Variants in SRBD1 observed in about 807,000 individuals in gnomAD.
The protein encoded by SRBD1 is S1 RNA binding domain 1, also known as S1 RNA-binding domain-containing protein 1.
A neutral mutation model predicts 115.3 loss-of-function variants in SRBD1; 88 were observed. The observed-to-expected ratio is 0.76, with a 90% CI of 0.64 to 0.91. The LOEUF (loss-of-function observed/expected upper bound fraction) is 0.91, where lower values mean the gene tolerates loss of function less well. Among genes scored for constraint, SRBD1 ranks in the 40% least tolerant of loss-of-function variants. SRBD1 has a pLI of 0.00. For missense variants in SRBD1, 1,385 were observed against 1,177.4 expected, an observed-to-expected ratio of 1.18 and a Z score of -2.58; for synonymous variants, 509 against 407.7, an observed-to-expected ratio of 1.25 and a Z score of -2.99.
chr2:45,406,503 T>A (rs112690811), intron 19 of SRBD1, among the ~76,000 whole-genome samples: 123 of 152,300 alleles, frequency 8.1e-4, no homozygotes, highest in African/African-American at 2.5e-3. Flanking sequence ...TCTTGCCATA[T>A]TTAATTGACA....
chr2:45,596,714 T>C (rs1435006195), intron 4 of SRBD1, among the ~76,000 whole-genome samples: 1 of 152,202 alleles, frequency 6.6e-6, no homozygotes, highest in African/African-American at 2.4e-5. Flanking sequence ...ACAAGTCATC[T>C]ATAAATAAAT....
At chr2:45,555,030 C>A (rs961694940) in intron 10 of SRBD1, among the ~76,000 whole-genome samples, 1 of 151,714 alleles carries the variant, frequency 6.6e-6, no homozygotes, top group African/African-American at 2.4e-5. Flanking sequence ...ATTTTATCCC[C>A]CTTACCCCAA....
intron 14 of SRBD1, among the ~76,000 whole-genome samples, chr2:45,489,804 G>C (rs1477399763): frequency 6.6e-6 from 1 of 152,080 alleles, no homozygotes; most frequent in Non-Finnish European, 1.5e-5. Context: ...CCCTTAACCA[G>C]CACAACCAGG....
At chr2:45,408,725 C>A (rs1372452619) in intron 19 of SRBD1, among the ~76,000 whole-genome samples, 1 of 152,074 alleles carries the variant, frequency 6.6e-6, no homozygotes, top group East Asian at 1.9e-4. Flanking sequence ...TTCTAGGAAT[C>A]CATCATAACG....
At chr2:45,544,233 A>C (rs1434188097) in intron 14 of SRBD1, among the ~76,000 whole-genome samples, 1 of 58,780 alleles carries the variant, frequency 1.7e-5, no homozygotes, top group Non-Finnish European at 3.7e-5. Flanking sequence ...ACTCCGGCTC[A>C]AAAAAAAAAA....
chr2:45,445,957 A>T (rs2103725922), intron 16 of SRBD1, among the ~76,000 whole-genome samples: 2 of 152,230 alleles, frequency 1.3e-5, no homozygotes, highest in East Asian at 3.9e-4. Context: ...TTGCCTCAAA[A>T]CTTCAGTATT....
intron 16 of SRBD1, among the ~76,000 whole-genome samples, chr2:45,433,728 A>G (rs540107712): frequency 6.6e-6 from 1 of 152,364 alleles, no homozygotes; most frequent in South Asian, 2.1e-4. Flanking sequence ...GAAATGCTTT[A>G]GTTAGCTATT....
chr2:45,579,115 C>G (rs1331801864), intron 7 of SRBD1, among the ~76,000 whole-genome samples: 1 of 152,182 alleles, frequency 6.6e-6, no homozygotes, highest in Non-Finnish European at 1.5e-5. Flanking sequence ...AGTTGTCACT[C>G]TAAGACTCAT....
Position 45,582,690 on chromosome 2 carries a change from G to A in SRBD1, c.816-880C>T, listed in dbSNP as rs1261550244. ...GTAACCCCTTCAAGCTAGCTTCTGT[G>A]TCCTTTTGACATGTATCTGTCATTC... On this transcript the variant is annotated intron_variant, in intron 5 of 20. Coordinates refer to ENST00000263736, the MANE Select transcript of SRBD1 (RefSeq NM_018079.5). 5.9e-5 allele frequency among the ~76,000 whole-genome samples: 9 copies of A among 151,998 alleles called. 1 individual carries two copies. The highest frequency in any genetic ancestry group is 1.3e-4 in the Non-Finnish European group (9 of 67,990).
chr2:45,491,812 C>T (rs1670300780), intron 14 of SRBD1, among the ~76,000 whole-genome samples: 1 of 151,974 alleles, frequency 6.6e-6, no homozygotes, highest in Admixed American at 6.6e-5. Flanking sequence ...GTTAAAAATG[C>T]TGCTTTATTT....
intron 14 of SRBD1, among the ~76,000 whole-genome samples, chr2:45,524,789 G>C (rs573861829): frequency 1.3e-5 from 2 of 152,142 alleles, no homozygotes; most frequent in South Asian, 4.1e-4. Flanking sequence ...AAATTGACAA[G>C]CTGATTCTAA....
chr2:45,392,883 T>C, intron 20 of SRBD1, 62 bp downstream of exon 20: 1 of 1,443,998 alleles, frequency 6.9e-7, no homozygotes, highest in Non-Finnish European at 9.4e-7. Context: ...GCTGTGAGGA[T>C]CAAAGGAGAT....
intron 10 of SRBD1, among the ~76,000 whole-genome samples, chr2:45,561,675 T>C (rs554891571): frequency 3.3e-5 from 5 of 152,318 alleles, no homozygotes; most frequent in Admixed American, 2.0e-4. Context: ...CAAAATCTGC[T>C]CTACCAACTA....
At chr2:45,593,541 A>T (rs563452862) in intron 4 of SRBD1, among the ~76,000 whole-genome samples, 176 of 152,354 alleles carry the variant, frequency 1.2e-3, no homozygotes, top group African/African-American at 4.0e-3. Context: ...TTACTCCTCC[A>T]AAAGGAAATT....
At chr2:45,464,797 T>C (rs1669430310) in intron 16 of SRBD1, among the ~76,000 whole-genome samples, 1 of 152,062 alleles carries the variant, frequency 6.6e-6, no homozygotes, top group Non-Finnish European at 1.5e-5. Flanking sequence ...GTAACTGAAG[T>C]CTGAACATTA....
chr2:45,393,367 G>C (rs747895375), intron 19 of SRBD1, among the ~76,000 whole-genome samples: 40 of 152,152 alleles, frequency 2.6e-4, no homozygotes, highest in Admixed American at 5.9e-4. Flanking sequence ...CACCTGCTCA[G>C]AGTCAGCACC....
chr2:45,585,584 C>G (rs1456786212), intron 5 of SRBD1, 24 bp downstream of exon 5: 2 of 1,600,350 alleles, frequency 1.2e-6, no homozygotes, highest in Admixed American at 3.5e-5. Flanking sequence ...TTACACTAGG[C>G]TTATTCTTTT....
intron 14 of SRBD1, among the ~76,000 whole-genome samples, chr2:45,502,682 G>C (rs1670672772): frequency 6.6e-6 from 1 of 151,858 alleles, no homozygotes; most frequent in South Asian, 2.1e-4. Context: ...GGCCTGTCGT[G>C]GGGTGGGGGG....
chr2:45,452,287 T>C (rs1048407985), intron 16 of SRBD1, among the ~76,000 whole-genome samples: 2 of 152,144 alleles, frequency 1.3e-5, no homozygotes, highest in Middle Eastern at 3.4e-3. Flanking sequence ...TGCTGCAGGA[T>C]AGTTTAATTA....
Sources: allele counts gnomAD v4.1 joint callset (sites outside exome capture counted in the v4.1 genomes callset), GRCh38; gene constraint gnomAD v4.1.1; transcripts MANE v1.5; gene names NCBI Gene and HGNC (gene_info 2026-07-23, HGNC 2026-07-21).